Variants in CACNA2D4 observed in about 807,000 individuals in gnomAD.
CACNA2D4 encodes the protein voltage-dependent calcium channel subunit alpha-2/delta-4.
CACNA2D4 carries 157 observed loss-of-function variants against 163.8 expected under a neutral mutation model. The ratio of observed to expected loss-of-function variants is 0.96; its 90% CI spans 0.84 to 1.09. The LOEUF is 1.09. CACNA2D4 is among the 50% of genes least tolerant of loss of function. CACNA2D4 has a pLI of 0.00. For missense variants in CACNA2D4, 1,410 were observed against 1,479.9 expected (o/e 0.95, Z 0.78); for synonymous variants, 598 against 586.9 (o/e 1.02, Z -0.27).
intron 23 of CACNA2D4, among the ~76,000 whole-genome samples, chr12:1,847,632 T>C (rs1427351355): frequency 6.6e-6 from 1 of 152,180 alleles, no homozygotes; most frequent in East Asian, 1.9e-4. Flanking sequence ...TCAGACTCTC[T>C]GGGGACAGGG....
Position 1,910,053 on chromosome 12 carries a change from G to A in CACNA2D4, c.427-88C>T, listed in dbSNP as rs534339659. On this transcript the variant is annotated intron_variant, in intron 3 of 37. Transcript: ENST00000382722. ...AGTGAAACAGTTGCCGGGTGACCCA[G>A]CAATCCCACTCCTGGGTGTATGCCC... 9.9e-5 allele frequency: 102 copies of A among 1,033,644 alleles called. 2 individuals carry two copies. In the South Asian group the frequency reaches 1.2e-3, roughly 13 times the overall value. 64.0% of individuals were successfully genotyped at this position (1,033,644 alleles called of 1,614,324 possible).
At chr12:1,896,527 A>G (rs1866403761) in intron 6 of CACNA2D4, among the ~76,000 whole-genome samples, 1 of 152,044 alleles carries the variant, frequency 6.6e-6, no homozygotes, top group Non-Finnish European at 1.5e-5. Context: ...AAAATGCTCA[A>G]TATCACGAAT....
At chr12:1,823,203 T>C (rs1864179904) in intron 26 of CACNA2D4, 1 of 152,536 alleles carries the variant, frequency 6.6e-6, no homozygotes, top group African/African-American at 2.4e-5. Flanking sequence ...TCTGGCTGTG[T>C]GTCTTGGATG....
chr12:1,865,761 G>C (rs916258941), intron 18 of CACNA2D4, among the ~76,000 whole-genome samples: 18 of 152,232 alleles, frequency 1.2e-4, no homozygotes, highest in Non-Finnish European at 1.9e-4. Flanking sequence ...CGGGGAGGCG[G>C]TTGCGGGGCG....
At chr12:1,896,645 ACAC>A (rs1565734735) in intron 6 of CACNA2D4, among the ~76,000 whole-genome samples, 20 of 148,914 alleles carry the variant, frequency 1.3e-4, no homozygotes, top group Middle Eastern at 3.4e-3. Flanking sequence ...ACACACACAC[ACAC>A]ACACACAAAA....
Position 1,878,588 on chromosome 12 carries a change from C to A in CACNA2D4, c.1645-199G>T, listed in dbSNP as rs1865928933. 3.1e-6 allele frequency: 3 copies of A among 960,928 alleles called. No individual in the cohort carries two copies. Among genetic ancestry groups the A allele is most frequent in the Non-Finnish European group, 4.7e-6 (3 of 631,762 alleles). 59.5% of individuals were successfully genotyped at this position (960,928 alleles called of 1,614,324 possible). On this transcript the variant is annotated intron_variant, in intron 15 of 37. Transcript: ENST00000382722. The surrounding 1 kb of genome is among the most constrained non-coding windows in gnomAD (Gnocchi z 4.6). The stretch of plus-strand genomic sequence containing the variant: ...CCTTTCCAAACCGGACTGTTTATAG[C>A]AACCGTCATCATACATATTATTACC...
chr12:1,802,101 A>G lies in CACNA2D4; in HGVS notation c.2722-457T>C, dbSNP rs967909990. 2.6e-5 allele frequency among the ~76,000 whole-genome samples: 4 copies of G among 151,406 alleles called. No individual in the cohort carries two copies. Among genetic ancestry groups the G allele is most frequent in the African/African-American group, 9.7e-5 (4 of 41,170 alleles). ...ACACGTTTCTGCAGGTCAAGGTCAG[A>G]AGCAGCGCCTGTCTCATGCACGCTG... is the stretch of plus-strand genomic sequence containing the variant. On this transcript the variant is annotated intron_variant, in intron 29 of 37. Coordinates refer to ENST00000382722, the MANE Select transcript of CACNA2D4 (RefSeq NM_172364.5). This position sits in a 1 kb window ranked among gnomAD's most constrained non-coding sequence, Gnocchi z 4.7.
chr12:1,811,427 G>C (rs768135579), intron 27 of CACNA2D4, among the ~76,000 whole-genome samples: 1 of 152,224 alleles, frequency 6.6e-6, no homozygotes, highest in Admixed American at 6.5e-5. Flanking sequence ...GCTTTGGAGT[G>C]GCGAGAAGGG....
intron 26 of CACNA2D4, chr12:1,827,336 C>T (rs1391383545): frequency 6.5e-6 from 1 of 152,846 alleles, no homozygotes; most frequent in Non-Finnish European, 1.5e-5. Context: ...GAAGCCTGCT[C>T]CTGCGCCCTG....
intron 26 of CACNA2D4, chr12:1,823,219 T>C (rs1232552697): frequency 6.6e-6 from 1 of 152,538 alleles, no homozygotes; most frequent in East Asian, 1.9e-4. Flanking sequence ...GGATGCTTGA[T>C]GTGGAGGGAT....
chr12:1,793,635 A>G lies in CACNA2D4; in HGVS notation c.*20T>C. 1.2e-6 allele frequency: 2 copies of G among 1,607,380 alleles called. No individual in the cohort carries two copies. The highest frequency in any genetic ancestry group is 1.7e-6 in the Non-Finnish European group (2 of 1,174,008). ...TCTGGAAGGATCACCTTGCCAAAAC[A>G]CAGGTCAGGCTGGGTGGTGTCACCG... On this transcript the variant is annotated 3_prime_UTR_variant, in exon 38 of 38. Transcript: ENST00000382722.
intron 20 of CACNA2D4, among the ~76,000 whole-genome samples, chr12:1,858,120 G>A (rs1287486309): frequency 2.6e-5 from 4 of 152,198 alleles, no homozygotes; most frequent in African/African-American, 4.8e-5. Context: ...CCAGAACCGT[G>A]AGAGAATACA....
In CACNA2D4 at chr12:1,907,993, C is replaced by T; in HGVS notation, c.531G>A (p.Lys177=). 1 of 1,614,028 alleles carries T rather than the reference C, an allele frequency of 6.2e-7. No homozygotes were observed. The highest frequency in any genetic ancestry group is 8.5e-7 in the Non-Finnish European group (1 of 1,179,884). The change falls in exon 5 of 38, where the codon AAG becomes AAA. Residue 177 remains lysine (K), a synonymous_variant. Transcript: ENST00000382722. ...CGGCGCCCAGCTCCACGAAGTTGCC[C>T]TTCTCGTCCCTCTCGTTGATCAGGA... The part of the protein sequence containing the change: ...NSVLINERDE[K]GNFVELGAEF...
At chr12:1,805,455 A>C (rs1346886938) in intron 29 of CACNA2D4, among the ~76,000 whole-genome samples, 1 of 152,138 alleles carries the variant, frequency 6.6e-6, no homozygotes, top group African/African-American at 2.4e-5. Flanking sequence ...TAAAGATGGG[A>C]GCTCATCCTC....
rs1160699421 is a variant in CACNA2D4 at position 1,847,998 on chromosome 12, T to C, written c.2247-1309A>G. Among the ~76,000 whole-genome samples the C allele has an allele frequency of 2.0e-5, 3 of 152,170 alleles. 1 individual carries two copies. The highest frequency in any genetic ancestry group is 4.4e-5 in the Non-Finnish European group (3 of 68,036). On this transcript the variant is annotated intron_variant, in intron 23 of 37. Transcript: ENST00000382722. ...TCAGAATCTGCCTAAGGCTCACGCA[T>C]GGCAACGGGTATCTCTTATTTGTCT...
chr12:1,819,534 T>G (rs1178396783), intron 26 of CACNA2D4, among the ~76,000 whole-genome samples: 1 of 152,112 alleles, frequency 6.6e-6, no homozygotes, highest in African/African-American at 2.4e-5. Flanking sequence ...GCTAGCACGG[T>G]GCTTCATCTG....
rs553948263 is a variant in CACNA2D4 at position 1,809,504 on chromosome 12, T to C, written c.2721+774A>G. 6.7e-5 allele frequency: 47 copies of C among 702,238 alleles called. No homozygotes were observed. In the South Asian group the frequency reaches 6.8e-4, roughly 10 times the overall value. The allele number at this position is 702,238 out of a possible 1,614,324, so 43.5% of individuals were successfully genotyped here. On this transcript the variant is annotated intron_variant, in intron 29 of 37. Coordinates refer to ENST00000382722, the MANE Select transcript of CACNA2D4 (RefSeq NM_172364.5). ...TTCTGCCTTGCTTCAAGGAAATACA[T>C]CTGGTGAATATATCTGGATTTGCTT...
intron 22 of CACNA2D4, among the ~76,000 whole-genome samples, chr12:1,855,738 T>C (rs1440309861): frequency 6.6e-6 from 1 of 152,182 alleles, no homozygotes; most frequent in African/African-American, 2.4e-5. Context: ...TAACAGAGCT[T>C]GGTGGATAGA....
Position 1,913,074 on chromosome 12 carries a change from C to T in CACNA2D4, c.375G>A (p.Lys125=). The T allele has an allele frequency of 6.2e-7, 1 of 1,613,928 alleles. No individual in the cohort carries two copies. ...GCATGTTCTCCATGTCCTCTGAGAACTTCCTCACCAGCTCCAAGCCATCCA... is the reference window on the plus strand; with the variant it reads ...GCATGTTCTCCATGTCCTCTGAGAATTTCCTCACCAGCTCCAAGCCATCCA... ...EEVDGLELVR[K]FSEDMENMLR... Residue 125 remains lysine, a synonymous_variant, in exon 3 of 38, where the codon AAG becomes AAA. Coordinates refer to ENST00000382722, the MANE Select transcript of CACNA2D4 (RefSeq NM_172364.5).
Sources: allele counts gnomAD v4.1 joint callset (sites outside exome capture counted in the v4.1 genomes callset), GRCh38; gene constraint gnomAD v4.1.1; non-coding constraint Gnocchi (gnomAD v3.1); transcripts MANE v1.5; gene names NCBI Gene and HGNC (gene_info 2026-07-23, HGNC 2026-07-21).